LRRC4C: variants seen among roughly 807,000 people sequenced by gnomAD.
The protein encoded by LRRC4C is leucine rich repeat containing 4C.
Under a neutral mutation model 33.6 loss-of-function variants are expected in LRRC4C, and 5 were observed. The observed-to-expected ratio is 0.15, with a 90% CI of 0.08 to 0.31. LRRC4C has a LOEUF of 0.31. LRRC4C is among the 10% of genes least tolerant of loss of function. The probability of loss-of-function intolerance (pLI) is 1.00; values close to 1 mark genes in which losing one functional copy is unlikely to be tolerated. For synonymous variants in LRRC4C, 329 were observed against 302.0 expected (o/e 1.09, Z -0.93); for missense variants, 560 against 796.7 (o/e 0.70, Z 3.58).
chr11:41,357,461 A>G (rs1205000010), intron 1 of LRRC4C, among the ~76,000 whole-genome samples: 1 of 152,038 alleles, frequency 6.6e-6, no homozygotes, highest in Non-Finnish European at 1.5e-5. Context: ...AGCAATCAAT[A>G]TTTTCATTTT....
intron 2 of LRRC4C, among the ~76,000 whole-genome samples, chr11:40,664,343 G>A (rs1367020201): frequency 2.0e-5 from 3 of 152,092 alleles, no homozygotes; most frequent in Non-Finnish European, 4.4e-5. Context: ...TCAGGAGTTC[G>A]AGACCAGCCT....
intron 1 of LRRC4C, among the ~76,000 whole-genome samples, chr11:41,105,554 A>G (rs926488595): frequency 1.3e-5 from 2 of 152,086 alleles, no homozygotes; most frequent in Non-Finnish European, 2.9e-5. Flanking sequence ...ATTAAAATCT[A>G]TACAATAAGA....
chr11:41,392,473 C>A (rs1421812847), intron 1 of LRRC4C, among the ~76,000 whole-genome samples: 1 of 151,556 alleles, frequency 6.6e-6, no homozygotes, highest in Non-Finnish European at 1.5e-5. Context: ...GTGTAATAAG[C>A]CTTCTTTGGT....
At chr11:41,404,496 G>GTA (rs1555166422) in intron 1 of LRRC4C, among the ~76,000 whole-genome samples, 4 of 139,330 alleles carry the variant, frequency 2.9e-5, no homozygotes, top group Non-Finnish European at 4.6e-5. Flanking sequence ...GTGTGTGTGT[G>GTA]TATACACACA....
intron 2 of LRRC4C, among the ~76,000 whole-genome samples, chr11:40,778,820 A>G (rs1345313171): frequency 6.6e-6 from 1 of 152,136 alleles, no homozygotes; most frequent in Non-Finnish European, 1.5e-5. Flanking sequence ...TTCTAAGAAT[A>G]AAAGGATATC....
intron 1 of LRRC4C, among the ~76,000 whole-genome samples, chr11:41,445,820 C>T (rs1372520691): frequency 1.3e-5 from 2 of 149,744 alleles, no homozygotes; most frequent in African/African-American, 4.9e-5. Context: ...AAATGAAGAT[C>T]CAAGCAGGAA....
chr11:41,411,059 A>G (rs1334463891), intron 1 of LRRC4C, among the ~76,000 whole-genome samples: 4 of 151,380 alleles, frequency 2.6e-5, no homozygotes, highest in Non-Finnish European at 5.9e-5. Flanking sequence ...GTGTCAAAAG[A>G]CCAGAGATCT....
At chr11:40,236,544 G>A (rs1163623562) in intron 5 of LRRC4C, among the ~76,000 whole-genome samples, 1 of 152,104 alleles carries the variant, frequency 6.6e-6, no homozygotes, top group Non-Finnish European at 1.5e-5. Context: ...ACAGTTAGGT[G>A]GGGCCAGATG....
chr11:40,252,893 GA>G (rs1866898679), intron 4 of LRRC4C, among the ~76,000 whole-genome samples: 2 of 152,160 alleles, frequency 1.3e-5, no homozygotes, highest in African/African-American at 2.4e-5. Flanking sequence ...CTTTCTTTCT[GA>G]AAAATAGGAG....
At chr11:41,132,000 T>C (rs879766798) in intron 1 of LRRC4C, among the ~76,000 whole-genome samples, 1 of 152,192 alleles carries the variant, frequency 6.6e-6, no homozygotes, top group Non-Finnish European at 1.5e-5. Flanking sequence ...ATATACTCAG[T>C]TGAGCAGCCT....
chr11:40,493,766 T>A (rs75149626), intron 3 of LRRC4C, among the ~76,000 whole-genome samples: 1 of 152,084 alleles, frequency 6.6e-6, no homozygotes, highest in East Asian at 1.9e-4. Context: ...ACCAACCAAC[T>A]AAGGTTATTA....
intron 4 of LRRC4C, among the ~76,000 whole-genome samples, chr11:40,287,530 C>T (rs1468600599): frequency 6.6e-6 from 1 of 152,114 alleles, no homozygotes; most frequent in African/African-American, 2.4e-5. Context: ...AAAACCTTTG[C>T]ATTCAGAAAG....
chr11:40,938,963 G>T (rs1347235064), intron 1 of LRRC4C, among the ~76,000 whole-genome samples: 2 of 151,874 alleles, frequency 1.3e-5, no homozygotes, highest in Non-Finnish European at 2.9e-5. Flanking sequence ...GACAAACAGA[G>T]AAAATATTAT....
At chr11:40,464,205 C>CATAAACAGAACT (rs1952544295) in intron 3 of LRRC4C, among the ~76,000 whole-genome samples, 1 of 151,936 alleles carries the variant, frequency 6.6e-6, no homozygotes, top group Non-Finnish European at 1.5e-5. Flanking sequence ...TGATTCAACG[C>CATAAACAGAACT]ATAAACAGAA....
chr11:40,978,579 T>C (rs768590398), intron 1 of LRRC4C, among the ~76,000 whole-genome samples: 9 of 151,662 alleles, frequency 5.9e-5, no homozygotes, highest in Non-Finnish European at 1.3e-4. Flanking sequence ...TTAAGGCTGA[T>C]AAATCCTACT....
chr11:40,752,761 C>A (rs1948755523), intron 2 of LRRC4C, among the ~76,000 whole-genome samples: 1 of 152,034 alleles, frequency 6.6e-6, no homozygotes. Context: ...CCAGCAATGC[C>A]ACTACTGGGA....
At chr11:41,064,209 C>T (rs1938027625) in intron 1 of LRRC4C, among the ~76,000 whole-genome samples, 1 of 152,122 alleles carries the variant, frequency 6.6e-6, no homozygotes, top group Non-Finnish European at 1.5e-5. Flanking sequence ...GCATATGGTG[C>T]CATAGTTTAG....
At chr11:41,152,546 C>A (rs887911003) in intron 1 of LRRC4C, among the ~76,000 whole-genome samples, 2 of 151,892 alleles carry the variant, frequency 1.3e-5, no homozygotes, top group African/African-American at 2.4e-5. Context: ...TTTTATGAAC[C>A]CAGGCCTAGT....
intron 2 of LRRC4C, among the ~76,000 whole-genome samples, chr11:40,747,492 A>T (rs1425084410): frequency 6.6e-6 from 1 of 152,150 alleles, no homozygotes; most frequent in Non-Finnish European, 1.5e-5. Context: ...GACACCTCAA[A>T]CATTAAAAAG....
Sources: allele counts gnomAD v4.1 joint callset (sites outside exome capture counted in the v4.1 genomes callset), GRCh38; gene constraint gnomAD v4.1.1; transcripts MANE v1.5; gene names NCBI Gene and HGNC (gene_info 2026-07-23, HGNC 2026-07-21).